Variants in ADAMTSL1 observed in about 807,000 individuals in gnomAD.
ADAMTSL1 encodes ADAMTS-like protein 1.
In ADAMTSL1, 126 loss-of-function variants were observed where a neutral mutation model predicts 201.8. That is an observed-to-expected ratio of 0.62 (90% CI 0.54 to 0.72). ADAMTSL1 has a LOEUF of 0.72. Ranked by LOEUF, ADAMTSL1 falls within the 30% of genes least tolerant of loss-of-function variation. The pLI is 0.00. For synonymous variants in ADAMTSL1, 1,121 were observed against 903.4 expected (o/e 1.24, Z -4.32); for missense variants, 2,679 against 2,277.8 (o/e 1.18, Z -3.59).
intron 2 of ADAMTSL1, among the ~76,000 whole-genome samples, chr9:18,282,877 A>G (rs113727589): frequency 0.019 from 2,913 of 152,310 alleles, 91 homozygotes; most frequent in African/African-American, 0.065. Flanking sequence ...AGCCTGGGCA[A>G]CAAGAGTGAA....
chr9:18,340,048 A>T (rs1339968369), intron 2 of ADAMTSL1, among the ~76,000 whole-genome samples: 2 of 152,074 alleles, frequency 1.3e-5, no homozygotes, highest in Non-Finnish European at 2.9e-5. Flanking sequence ...TTCACATCTG[A>T]TGTTACTCCT....
intron 1 of ADAMTSL1, among the ~76,000 whole-genome samples, chr9:17,967,248 G>T (rs1252993757): frequency 6.6e-6 from 1 of 151,972 alleles, no homozygotes; most frequent in Non-Finnish European, 1.5e-5. Context: ...CCATTTTAAG[G>T]CTCCTGCTAC....
At chr9:18,859,397 A>G (rs1252622918) in intron 23 of ADAMTSL1, among the ~76,000 whole-genome samples, 1 of 152,190 alleles carries the variant, frequency 6.6e-6, no homozygotes, top group African/African-American at 2.4e-5. Context: ...CATGAGGCCT[A>G]CTTGCATAAT....
Position 18,399,318 on chromosome 9 carries a change from T to TATATATATATATATATATAC in ADAMTSL1, c.208-105500_208-105499insTATATATACATATATATATA, listed in dbSNP as rs1563934781. On this transcript the variant is annotated intron_variant, in intron 2 of 29. Coordinates refer to the ADAMTSL1 transcript ENST00000680146. ...ATATATATATATATATATATATATA[T>TATATATATATATATATATAC]ATATATATATAAAATTATTATTTTC... Among the ~76,000 whole-genome samples the TATATATATATATATATATAC allele has an allele frequency of 4.0e-5, 4 of 100,794 alleles. 1 individual carries two copies. The highest frequency in any genetic ancestry group is 3.2e-4 in the East Asian group (1 of 3,130). 66.1% of individuals were successfully genotyped at this position (100,794 alleles called of 152,430 possible).
intron 1 of ADAMTSL1, among the ~76,000 whole-genome samples, chr9:17,908,372 G>A (rs1825803824): frequency 6.6e-6 from 1 of 152,158 alleles, no homozygotes; most frequent in Non-Finnish European, 1.5e-5. Flanking sequence ...GGGGAGGCTG[G>A]GACATCAGAA....
intron 2 of ADAMTSL1, among the ~76,000 whole-genome samples, chr9:18,345,043 T>C (rs1835640687): frequency 6.6e-6 from 1 of 152,106 alleles, no homozygotes; most frequent in East Asian, 1.9e-4. Flanking sequence ...CTGACCTCCT[T>C]CTCCTGTCCC....
At chr9:18,335,975 A>G (rs1202292475) in intron 2 of ADAMTSL1, among the ~76,000 whole-genome samples, 1 of 152,136 alleles carries the variant, frequency 6.6e-6, no homozygotes, top group African/African-American at 2.4e-5. Context: ...AGAATAATTA[A>G]CCTAGCATTA....
At chr9:18,251,036 A>T (rs1410925541) in intron 2 of ADAMTSL1, among the ~76,000 whole-genome samples, 1 of 152,198 alleles carries the variant, frequency 6.6e-6, no homozygotes. Flanking sequence ...TTAACAAAAA[A>T]CAGAAACAGC....
chr9:18,087,190 T>C (rs955892576), intron 1 of ADAMTSL1, among the ~76,000 whole-genome samples: 6 of 152,160 alleles, frequency 3.9e-5, no homozygotes, highest in African/African-American at 1.4e-4. Flanking sequence ...CCTTTTCTTT[T>C]CTCCCTCCCT....
At chr9:18,467,633 A>G (rs546769165) in intron 2 of ADAMTSL1, among the ~76,000 whole-genome samples, 11 of 152,346 alleles carry the variant, frequency 7.2e-5, no homozygotes, top group African/African-American at 1.9e-4. Context: ...CATTTGAGCT[A>G]TATCTTAAAG....
intron 2 of ADAMTSL1, among the ~76,000 whole-genome samples, chr9:18,275,937 A>C (rs1832570646): frequency 1.3e-5 from 2 of 152,188 alleles, no homozygotes; most frequent in South Asian, 4.1e-4. Context: ...TGGAACTGCC[A>C]AACTCTTTTC....
intron 15 of ADAMTSL1, among the ~76,000 whole-genome samples, chr9:18,730,808 C>T (rs1167100365): frequency 2.0e-5 from 3 of 152,214 alleles, no homozygotes; most frequent in Admixed American, 1.3e-4. Flanking sequence ...GCTGGAACAG[C>T]TGAAAGTGGT....
At chr9:17,920,125 G>A (rs1826246949) in intron 1 of ADAMTSL1, among the ~76,000 whole-genome samples, 2 of 152,122 alleles carry the variant, frequency 1.3e-5, no homozygotes, top group South Asian at 4.1e-4. Flanking sequence ...GTTAACAACT[G>A]CCTTGATTGA....
intron 2 of ADAMTSL1, among the ~76,000 whole-genome samples, chr9:18,275,680 G>A (rs1039482967): frequency 4.6e-5 from 7 of 152,106 alleles, no homozygotes; most frequent in African/African-American, 1.7e-4. Context: ...CATCTTTAAT[G>A]TATCAGTAGT....
At chr9:18,797,651 G>A (rs1354847021) in intron 20 of ADAMTSL1, among the ~76,000 whole-genome samples, 1 of 152,112 alleles carries the variant, frequency 6.6e-6, no homozygotes, top group East Asian at 1.9e-4. Flanking sequence ...AAGTTTTATT[G>A]CCAGTTATAC....
At chr9:18,127,664 T>G (rs942992817) in intron 1 of ADAMTSL1, among the ~76,000 whole-genome samples, 2 of 152,204 alleles carry the variant, frequency 1.3e-5, no homozygotes, top group Non-Finnish European at 2.9e-5. Flanking sequence ...CTTGTCAACC[T>G]TGTTTTAAGG....
chr9:18,864,724 A>C (rs765182394), intron 23 of ADAMTSL1, among the ~76,000 whole-genome samples: 3 of 152,178 alleles, frequency 2.0e-5, no homozygotes, highest in Non-Finnish European at 4.4e-5. Context: ...GCCAATGTAA[A>C]ATCAAGAGAC....
chr9:18,432,116 G>T (rs552207975), intron 2 of ADAMTSL1, among the ~76,000 whole-genome samples: 2 of 152,252 alleles, frequency 1.3e-5, no homozygotes, highest in South Asian at 2.1e-4. Context: ...TTGGTCTGTT[G>T]TTCTGGTTGA....
chr9:18,300,571 T>A (rs1443426447), intron 2 of ADAMTSL1, among the ~76,000 whole-genome samples: 1 of 152,234 alleles, frequency 6.6e-6, no homozygotes, highest in Non-Finnish European at 1.5e-5. Flanking sequence ...GTATCAAAAC[T>A]GCACGTTGTG....
Sources: gnomAD v4.1 joint callset for allele counts (sites outside exome capture counted in the v4.1 genomes callset) on GRCh38, gnomAD v4.1.1 for gene constraint, MANE v1.5 for transcripts, NCBI Gene and HGNC (gene_info 2026-07-23, HGNC 2026-07-21) for gene names.